STK32C: variants seen among roughly 807,000 people sequenced by gnomAD.
The protein encoded by STK32C is serine/threonine kinase 32C.
Under a neutral mutation model 56.5 loss-of-function variants are expected in STK32C, and 31 were observed. That is an observed-to-expected ratio of 0.55 (90% confidence interval 0.41 to 0.74). The LOEUF (loss-of-function observed/expected upper bound fraction) is 0.74, where lower values mean the gene tolerates loss of function less well. Among genes scored for constraint, STK32C ranks in the 30% least tolerant of loss-of-function variants. The pLI, the probability that STK32C is intolerant of heterozygous loss-of-function variation, is 0.00. For synonymous variants in STK32C, 309 were observed against 289.4 expected (o/e 1.07, Z -0.69); for missense variants, 544 against 676.9 (o/e 0.80, Z 2.18).
upstream of STK32C, chr10:132,332,151 T>G: frequency 1.8e-5 from 3 of 164,032 alleles, no homozygotes; most frequent in Non-Finnish European, 3.9e-5. Flanking sequence ...CGGGATTCCG[T>G]ACCGGCGTCT....
At position 132,265,186 on chromosome 10, in the gene STK32C, A is replaced by T. The variant is rs113098941; in HGVS notation, c.263-19231T>A. Among the ~76,000 whole-genome samples the T allele has an allele frequency of 3.2e-3, 255 of 80,124 alleles. 5 individuals are homozygous for T. Among genetic ancestry groups the T allele is most frequent in the African/African-American group, 0.011 (191 of 17,730 alleles). The allele number at this position is 80,124 out of a possible 152,430, so 52.6% of individuals were successfully genotyped here. A position where few individuals can be genotyped will look rare whatever the true frequency, so the allele number is the denominator to read the frequency against. On this transcript the variant is annotated intron_variant, in intron 1 of 11. Transcript: ENST00000298630. ...CAGGGCGGCGAGGTGGCTCTGGGGG[A>T]GCCGCAAGGGCAGTGAGGTGGGCTC...
chr10:132,320,561 C>A (rs12248417), downstream of STK32C, among the ~76,000 whole-genome samples: 2,005 of 152,202 alleles, frequency 0.013, 62 homozygotes, highest in African/African-American at 0.046. Context: ...GCCCTGTTCT[C>A]GGGTTGCTGG....
At chr10:132,296,382 G>C (rs7099822) in intron 1 of STK32C, among the ~76,000 whole-genome samples, 66,234 of 151,752 alleles carry the variant, frequency 0.44, 15,664 homozygotes, top group African/African-American at 0.6. Flanking sequence ...AACGAGGTAT[G>C]GATACGGGTC....
At chr10:132,279,842 C>T (rs778539356) in intron 1 of STK32C, among the ~76,000 whole-genome samples, 38 of 149,822 alleles carry the variant, frequency 2.5e-4, no homozygotes, top group Non-Finnish European at 5.3e-4. Context: ...GATCACGCCA[C>T]TGCACCCCAT....
chr10:132,272,504 T>C (rs12248039), intron 1 of STK32C, among the ~76,000 whole-genome samples: 21,799 of 152,184 alleles, frequency 0.14, 2,857 homozygotes, highest in African/African-American at 0.35. Context: ...CAACAGCTCA[T>C]CCGGATGCTC....
At chr10:132,321,980 C>CAGA (rs2066417628), downstream of STK32C, among the ~76,000 whole-genome samples, 2 of 152,190 alleles carry the variant, frequency 1.3e-5, no homozygotes, top group Non-Finnish European at 2.9e-5. Context: ...GAATTCAACC[C>CAGA]TGCACAGGAG....
intron 1 of STK32C, among the ~76,000 whole-genome samples, chr10:132,301,536 G>C (rs1201144282): frequency 2.6e-5 from 4 of 152,200 alleles, no homozygotes; most frequent in Admixed American, 2.6e-4. Context: ...TGGGCTCGGG[G>C]ACACAGGATG....
intron 6 of STK32C, 54 bp from the exon 7 acceptor site, chr10:132,225,390 G>C: frequency 6.3e-7 from 1 of 1,584,898 alleles, no homozygotes; most frequent in Middle Eastern, 1.7e-4. Flanking sequence ...GCCCGGACCC[G>C]TGGGCACAGG....
chr10:132,328,212 G>A (rs1053120076), intron 1 of STK32C, among the ~76,000 whole-genome samples: 1 of 152,148 alleles, frequency 6.6e-6, no homozygotes, highest in African/African-American at 2.4e-5. Context: ...ATAATTGGGA[G>A]GGTGGGGCTT....
chr10:132,215,158 A>C (rs2062431322), intron 10 of STK32C, among the ~76,000 whole-genome samples: 1 of 152,154 alleles, frequency 6.6e-6, no homozygotes. Flanking sequence ...AGCTGGTATC[A>C]CAGGTGTATC....
intron 1 of STK32C, among the ~76,000 whole-genome samples, chr10:132,269,602 G>A (rs1183718141): frequency 6.6e-6 from 1 of 152,224 alleles, no homozygotes; most frequent in East Asian, 1.9e-4. Context: ...AGGCTGCTCG[G>A]GGCTAACAGC....
chr10:132,236,814 G>A (rs764670409), intron 2 of STK32C, among the ~76,000 whole-genome samples: 17 of 152,160 alleles, frequency 1.1e-4, no homozygotes, highest in Non-Finnish European at 2.4e-4. Flanking sequence ...TCGACCTGGT[G>A]CCTGGGGTTC....
At chr10:132,292,197 C>T (rs893547894) in intron 1 of STK32C, among the ~76,000 whole-genome samples, 4 of 152,194 alleles carry the variant, frequency 2.6e-5, no homozygotes, top group Non-Finnish European at 5.9e-5. Context: ...CCAACATAAG[C>T]ACCTCCACGA....
intron 1 of STK32C, among the ~76,000 whole-genome samples, chr10:132,294,987 C>T (rs1209496776): frequency 6.6e-6 from 1 of 152,104 alleles, no homozygotes; most frequent in African/African-American, 2.4e-5. Context: ...AGGACAGCTC[C>T]AGATGTCAGC....
chr10:132,323,006 G>A (rs2066438902), downstream of STK32C, among the ~76,000 whole-genome samples: 1 of 152,222 alleles, frequency 6.6e-6, no homozygotes, highest in South Asian at 2.1e-4. The surrounding 1 kb of genome is among the most constrained non-coding windows in gnomAD (Gnocchi z 4.8). Context: ...CCTCTAAAAT[G>A]CAAAGCCCAG....
In STK32C at chr10:132,307,081, G is replaced by A. The variant is rs143388629; in HGVS notation, c.262+491C>T. 262 of 152,748 alleles carry A rather than the reference G, an allele frequency of 1.7e-3. No homozygotes were observed. In the South Asian group the frequency reaches 0.017, roughly 10 times the overall value. 9.5% of individuals were successfully genotyped at this position (152,748 alleles called of 1,614,324 possible). On this transcript the variant is annotated intron_variant, in intron 1 of 11. Transcript: ENST00000298630. This position sits in a 1 kb window ranked among gnomAD's most constrained non-coding sequence, Gnocchi z 4.4. ...CTGGCCCTGCCTCCAGCGCACATGGGTGAGCAGAGGATGGACACCGCGCGG... is the reference window on the plus strand; with the variant it reads ...CTGGCCCTGCCTCCAGCGCACATGGATGAGCAGAGGATGGACACCGCGCGG...
chr10:132,301,325 G>A (rs1458452025), intron 1 of STK32C, among the ~76,000 whole-genome samples: 2 of 152,224 alleles, frequency 1.3e-5, no homozygotes, highest in East Asian at 1.9e-4. Flanking sequence ...CAACCAGGAA[G>A]AGACAGGGTC....
chr10:132,221,902 C>T (rs185484937), intron 10 of STK32C, among the ~76,000 whole-genome samples: 5 of 104,966 alleles, frequency 4.8e-5, no homozygotes, highest in South Asian at 3.3e-4. Context: ...CGCACCTGGG[C>T]AAGTGTGAGG....
chr10:132,253,489 G>A (rs1452641262), intron 1 of STK32C, among the ~76,000 whole-genome samples: 3 of 137,094 alleles, frequency 2.2e-5, no homozygotes, highest in Non-Finnish European at 3.1e-5. Context: ...CGAGGGAGCT[G>A]GAGGGAGTCG....
Sources: allele counts gnomAD v4.1 joint callset (sites outside exome capture counted in the v4.1 genomes callset), GRCh38; gene constraint gnomAD v4.1.1; non-coding constraint Gnocchi (gnomAD v3.1); transcripts MANE v1.5; gene names NCBI Gene and HGNC (gene_info 2026-07-23, HGNC 2026-07-21).